FBLN5: variants seen among roughly 807,000 people sequenced by gnomAD.
The protein encoded by FBLN5 is fibulin-5.
In FBLN5, 24 loss-of-function variants were observed where a neutral mutation model predicts 61.6. The ratio of observed to expected loss-of-function variants is 0.39; its 90% CI spans 0.28 to 0.55. FBLN5 has a LOEUF of 0.55. Among genes scored for constraint, FBLN5 ranks in the 20% least tolerant of loss-of-function variants. FBLN5 has a pLI of 0.65. For synonymous variants in FBLN5, 213 were observed against 219.8 expected (o/e 0.97, Z 0.27); for missense variants, 470 against 594.1 (o/e 0.79, Z 2.17).
intron 6 of FBLN5, 27 bp downstream of exon 6, chr14:91,891,194 G>T: frequency 7.7e-7 from 1 of 1,305,186 alleles, no homozygotes; most frequent in Non-Finnish European, 1.1e-6. Flanking sequence ...CTCACATCAT[G>T]TCCAAGTTAT....
At chr14:91,905,205 C>T (rs759963382) in intron 4 of FBLN5, among the ~76,000 whole-genome samples, 6 of 152,170 alleles carry the variant, frequency 3.9e-5, no homozygotes, top group Non-Finnish European at 7.3e-5. Flanking sequence ...CCACCACTTC[C>T]GATCCCATCA....
chr14:91,919,188 GGGCATGGT>G (rs1224580218), intron 4 of FBLN5, among the ~76,000 whole-genome samples: 1 of 151,668 alleles, frequency 6.6e-6, no homozygotes, highest in East Asian at 1.9e-4. Flanking sequence ...AAAATTAGCT[GGGCATGGT>G]GGCATGCACC....
intron 10 of FBLN5, among the ~76,000 whole-genome samples, chr14:91,875,838 A>G (rs1889138049): frequency 6.6e-6 from 1 of 152,200 alleles, no homozygotes; most frequent in Admixed American, 6.5e-5. Context: ...TTCCATTTAA[A>G]CTAGTACAGA....
chr14:91,894,415 A>AC (rs1890125701), intron 5 of FBLN5, among the ~76,000 whole-genome samples: 2 of 146,614 alleles, frequency 1.4e-5, no homozygotes, highest in African/African-American at 2.5e-5. Context: ...AAAAAAAAAA[A>AC]AAAAAAAAAA....
intron 4 of FBLN5, among the ~76,000 whole-genome samples, chr14:91,903,363 G>T (rs1595315461): frequency 2.0e-5 from 3 of 152,266 alleles, no homozygotes; most frequent in Admixed American, 2.0e-4. Context: ...CACTGGTGGG[G>T]TTTTGATTTC....
At chr14:91,890,618 A>T (rs1298023038) in intron 6 of FBLN5, among the ~76,000 whole-genome samples, 2 of 152,178 alleles carry the variant, frequency 1.3e-5, no homozygotes, top group Non-Finnish European at 1.5e-5. Context: ...CAGTATTTCA[A>T]ATGATCATGT....
intron 4 of FBLN5, among the ~76,000 whole-genome samples, chr14:91,915,529 C>CA (rs1227026744): frequency 1.3e-5 from 2 of 151,212 alleles, no homozygotes; most frequent in Non-Finnish European, 3.0e-5. Context: ...ATTAAAAATA[C>CA]AAAAAAATTA....
At chr14:91,891,376 T>G (rs941243257) in intron 5 of FBLN5, 39 bp from the exon 6 acceptor site, 2 of 1,277,762 alleles carry the variant, frequency 1.6e-6, no homozygotes, top group African/African-American at 2.9e-5. Flanking sequence ...ACAGGTCTCC[T>G]CACTCAATGA....
At chr14:91,919,453 C>T (rs1363842023) in intron 4 of FBLN5, among the ~76,000 whole-genome samples, 3 of 149,722 alleles carry the variant, frequency 2.0e-5, no homozygotes, top group East Asian at 3.9e-4. Flanking sequence ...GGGTCTCTGA[C>T]CTCAAAAGGG....
rs2056138497 is a variant in FBLN5, at chr14:91,943,489, A to ACGAGC, written c.18-529_18-528insGCTCG. On this transcript the variant is annotated intron_variant, in intron 1 of 10. Transcript: ENST00000342058. The surrounding 1 kb of genome is among the most constrained non-coding windows in gnomAD (Gnocchi z 4.0). ...ATACCACTGCACTCCAGCCTGGGTG[A>ACGAGC]CAGAGCGAGACCTTGTCCTCCCCCC... Among the ~76,000 whole-genome samples the ACGAGC allele has an allele frequency of 6.6e-6, 1 of 152,070 alleles. No individual in the cohort carries two copies. Among genetic ancestry groups the ACGAGC allele is most frequent in the Non-Finnish European group, 1.5e-5 (1 of 68,000 alleles).
intron 4 of FBLN5, among the ~76,000 whole-genome samples, chr14:91,933,334 G>T (rs949681020): frequency 2.0e-5 from 3 of 152,042 alleles, no homozygotes; most frequent in Admixed American, 6.6e-5. Flanking sequence ...GAGTGTAGTG[G>T]CACGAGCTCG....
intron 4 of FBLN5, among the ~76,000 whole-genome samples, chr14:91,924,705 T>C (rs2055797452): frequency 1.3e-5 from 2 of 151,906 alleles, no homozygotes; most frequent in Non-Finnish European, 2.9e-5. Context: ...GAAAGCTCTG[T>C]TGGGTGGAGA....
intron 3 of FBLN5, among the ~76,000 whole-genome samples, chr14:91,938,731 T>G (rs2056060267): frequency 6.6e-6 from 1 of 152,166 alleles, no homozygotes; most frequent in African/African-American, 2.4e-5. Context: ...GTCAGCAGCC[T>G]TGGAGTCTGC....
chr14:91,939,941 C>T (rs1368705150), intron 3 of FBLN5: 2 of 453,534 alleles, frequency 4.4e-6, no homozygotes, highest in African/African-American at 4.0e-5. Context: ...GCTGATTGGT[C>T]AGAGAGATGC....
rs553825246 is a variant in FBLN5, at chr14:91,883,331, GC to G, written c.740-256del. Among the ~76,000 whole-genome samples, 36 of 152,266 alleles carry G rather than the reference GC, an allele frequency of 2.4e-4. 2 individuals carry two copies. The South Asian group carries it at 7.1e-3, about 30-fold the overall frequency. The stretch of plus-strand genomic sequence containing the variant: ...TGGAGCTGAAATCCACCTCCATCGA[GC>G]TTTCAACATCTGCCTCTCACTCGGC... On this transcript the variant is annotated intron_variant, in intron 7 of 10. Coordinates refer to ENST00000342058, the MANE Select transcript of FBLN5 (RefSeq NM_006329.4).
intron 3 of FBLN5, among the ~76,000 whole-genome samples, chr14:91,937,958 C>A (rs1346034237): frequency 6.6e-6 from 1 of 152,158 alleles, no homozygotes; most frequent in Non-Finnish European, 1.5e-5. Context: ...CAAGTGAAAA[C>A]TAGCATAAGT....
At chr14:91,913,259 T>A (rs1891036223) in intron 4 of FBLN5, among the ~76,000 whole-genome samples, 1 of 152,182 alleles carries the variant, frequency 6.6e-6, no homozygotes, top group Non-Finnish European at 1.5e-5. Flanking sequence ...TCCCCATTTT[T>A]AAAATGGGAA....
intron 9 of FBLN5, among the ~76,000 whole-genome samples, chr14:91,878,248 G>T (rs1889262984): frequency 6.6e-6 from 1 of 152,030 alleles, no homozygotes; most frequent in Admixed American, 6.6e-5. Flanking sequence ...TGGACATTTT[G>T]GAAATTCAAT....
At position 91,947,559 on chromosome 14, in the gene FBLN5, G is replaced by C; in HGVS notation, c.-330C>G. 4.5e-6 allele frequency: 2 copies of C among 448,634 alleles called. No individual in the cohort carries two copies. Among genetic ancestry groups the C allele is most frequent in the Middle Eastern group, 6.4e-4 (1 of 1,556 alleles). 27.8% of individuals were successfully genotyped at this position (448,634 alleles called of 1,614,324 possible). On this transcript the variant is annotated 5_prime_UTR_variant, in exon 1 of 11. Transcript: ENST00000342058. The surrounding 1 kb of genome is among the most constrained non-coding windows in gnomAD (Gnocchi z 4.3). ...ATGGGGCCTCAGTCTGGACACAGCT[G>C]GTTCAGATTACAGCGCTCACCAACT...
Sources: gnomAD v4.1 joint callset for allele counts (sites outside exome capture counted in the v4.1 genomes callset) on GRCh38, gnomAD v4.1.1 for gene constraint, Gnocchi (gnomAD v3.1) non-coding constraint, MANE v1.5 for transcripts, NCBI Gene and HGNC (gene_info 2026-07-23, HGNC 2026-07-21) for gene names.